Variants in COL24A1 observed in about 807,000 individuals in gnomAD.
The protein encoded by COL24A1 is collagen type XXIV alpha 1 chain, also known as collagen alpha-1(XXIV) chain.
In COL24A1, 224 loss-of-function variants were observed where a neutral mutation model predicts 253.9. The ratio of observed to expected loss-of-function variants is 0.88; its 90% confidence interval spans 0.79 to 0.99. The LOEUF (loss-of-function observed/expected upper bound fraction) is 0.99. COL24A1 is among the 50% of genes least tolerant of loss of function. The pLI is 0.00. For missense variants in COL24A1, 2,131 were observed against 2,068.5 expected, an observed-to-expected ratio of 1.03 and a Z score of -0.59; for synonymous variants, 685 against 673.7, an observed-to-expected ratio of 1.02 and a Z score of -0.26.
At chr1:86,031,480 G>T (rs1358497132) in intron 14 of COL24A1, among the ~76,000 whole-genome samples, 4 of 151,974 alleles carry the variant, frequency 2.6e-5, no homozygotes, top group Non-Finnish European at 5.9e-5. Flanking sequence ...ATTTTTGCTT[G>T]TAACAAACAT....
intron 20 of COL24A1, among the ~76,000 whole-genome samples, chr1:85,986,552 T>C (rs1693738840): frequency 6.6e-6 from 1 of 151,868 alleles, no homozygotes; most frequent in Non-Finnish European, 1.5e-5. Flanking sequence ...TGAAATCATA[T>C]CTGTGTTAGA....
At chr1:85,851,001 G>GTATA (rs139769173) in intron 37 of COL24A1, among the ~76,000 whole-genome samples, 2,061 of 139,142 alleles carry the variant, frequency 0.015, 49 homozygotes, top group African/African-American at 0.044. Flanking sequence ...GTGTGTGTGT[G>GTATA]TATATATATA....
chr1:86,086,181 G>A (rs11161729), intron 7 of COL24A1, among the ~76,000 whole-genome samples: 57,041 of 152,018 alleles, frequency 0.38, 10,949 homozygotes, highest in Middle Eastern at 0.51. Context: ...AACTATATTT[G>A]TTTCCTTGGC....
intron 20 of COL24A1, among the ~76,000 whole-genome samples, chr1:85,979,655 A>G (rs891813199): frequency 6.6e-6 from 1 of 151,876 alleles, no homozygotes; most frequent in Non-Finnish European, 1.5e-5. Context: ...AACTCTGAAC[A>G]GATTAATAAC....
At chr1:85,994,030 G>A (rs1237865161) in intron 19 of COL24A1, among the ~76,000 whole-genome samples, 5 of 151,820 alleles carry the variant, frequency 3.3e-5, no homozygotes, top group Non-Finnish European at 5.9e-5. Context: ...AGTGACACTT[G>A]GGCCATTTAA....
intron 10 of COL24A1, among the ~76,000 whole-genome samples, chr1:86,052,629 A>G (rs1700394898): frequency 6.6e-6 from 1 of 152,092 alleles, no homozygotes. Context: ...GTTTGGGAAG[A>G]TGAAAAAAGT....
rs533279139 is a variant in COL24A1, at chr1:86,126,054, G to C, written c.282C>G (p.Phe94Leu). The C allele has an allele frequency of 2.5e-6, 4 of 1,613,522 alleles. No homozygotes were observed. Among genetic ancestry groups the C allele is most frequent in the South Asian group, 1.1e-5 (1 of 91,068 alleles). ...FKNDAYIETP[F>L]VKILPVNLGQ... is the part of the protein sequence containing the mutation. ...CCAAGTTGACTGGTAAAATTTTCAC[G>C]AAAGGTGTCTCGATATAAGCATCAT... The change falls in exon 3 of 60, where the codon TTC becomes TTG. Residue 94 changes from phenylalanine to leucine, a missense_variant. Transcript: ENST00000370571.
chr1:85,903,631 T>G (rs1684534591), intron 28 of COL24A1, among the ~76,000 whole-genome samples: 1 of 152,206 alleles, frequency 6.6e-6, no homozygotes, highest in African/African-American at 2.4e-5. Flanking sequence ...CACTGAGCTG[T>G]ATTAGTAAGT....
At chr1:85,865,963 TAAAG>T (rs1259348673) in intron 37 of COL24A1, among the ~76,000 whole-genome samples, 1 of 152,124 alleles carries the variant, frequency 6.6e-6, no homozygotes. Context: ...GCTTAGAAAA[TAAAG>T]AAATTTCTTT....
At chr1:86,106,736 C>T (rs1705016599) in intron 5 of COL24A1, among the ~76,000 whole-genome samples, 1 of 152,094 alleles carries the variant, frequency 6.6e-6, no homozygotes, top group Non-Finnish European at 1.5e-5. Flanking sequence ...CTCTGGAAAA[C>T]AGGAAATGGA....
chr1:85,961,388 G>C, intron 23 of COL24A1, 95 bp from the exon 24 acceptor site: 1 of 971,660 alleles, frequency 1.0e-6, no homozygotes, highest in Non-Finnish European at 1.6e-6. Context: ...TAATTATCTA[G>C]TCATAACCTA....
intron 35 of COL24A1, among the ~76,000 whole-genome samples, 192 bp downstream of exon 35, chr1:85,874,457 G>A (rs1037687749): frequency 2.6e-5 from 4 of 152,162 alleles, no homozygotes; most frequent in Non-Finnish European, 5.9e-5. Context: ...GGTTAAGACT[G>A]TAAATACTAC....
intron 24 of COL24A1, among the ~76,000 whole-genome samples, chr1:85,951,289 G>A (rs1354245): frequency 0.68 from 102,731 of 151,982 alleles, 35,010 homozygotes; most frequent in East Asian, 0.79. Context: ...GCTAAGAACC[G>A]TAATAGTGTA....
chr1:85,863,393 C>A (rs922304945), intron 37 of COL24A1, among the ~76,000 whole-genome samples: 1 of 152,086 alleles, frequency 6.6e-6, no homozygotes, highest in African/African-American at 2.4e-5. Context: ...TTGTCTTGTG[C>A]CAGTTTTCAA....
At chr1:85,766,177 G>A (rs1382113313) in intron 53 of COL24A1, among the ~76,000 whole-genome samples, 2 of 151,808 alleles carry the variant, frequency 1.3e-5, no homozygotes, top group African/African-American at 4.8e-5. Context: ...ACTGGCCTGG[G>A]CAACATGGTG....
Position 86,023,701 on chromosome 1 carries a change from T to C in COL24A1, c.2050-694A>G, listed in dbSNP as rs1178906429. Among the ~76,000 whole-genome samples, 6 of 152,234 alleles carry C rather than the reference T, an allele frequency of 3.9e-5. No individual in the cohort carries two copies. In the South Asian group the frequency reaches 1.2e-3, roughly 32 times the overall value. On this transcript the variant is annotated intron_variant, in intron 14 of 59. Coordinates refer to ENST00000370571, the MANE Select transcript of COL24A1 (RefSeq NM_152890.7). Reference sequence around the variant, plus strand: ...CAGAAACATTACCACTATTATCTTCTGCAAGCAAGAGACTTAGAAAAAACT... The same window carrying C: ...CAGAAACATTACCACTATTATCTTCCGCAAGCAAGAGACTTAGAAAAAACT...
chr1:85,858,621 C>CTTCCT (rs1553201492), intron 37 of COL24A1, among the ~76,000 whole-genome samples: 95 of 113,372 alleles, frequency 8.4e-4, no homozygotes, highest in Middle Eastern at 4.9e-3. Context: ...TATTTTCTCC[C>CTTCCT]TCCTTCCTTC....
intron 24 of COL24A1, among the ~76,000 whole-genome samples, chr1:85,912,605 C>A (rs1361257608): frequency 6.6e-6 from 1 of 152,112 alleles, no homozygotes; most frequent in East Asian, 1.9e-4. Context: ...ATCTAATGAT[C>A]CCATATATAT....
At chr1:85,776,562 T>A (rs1668564756) in intron 52 of COL24A1, among the ~76,000 whole-genome samples, 1 of 152,036 alleles carries the variant, frequency 6.6e-6, no homozygotes, top group Admixed American at 6.6e-5. Flanking sequence ...ATATGAATGC[T>A]CTTCCATGTC....
Sources: gnomAD v4.1 joint callset for allele counts (sites outside exome capture counted in the v4.1 genomes callset) on GRCh38, gnomAD v4.1.1 for gene constraint, MANE v1.5 for transcripts, NCBI Gene and HGNC (gene_info 2026-07-23, HGNC 2026-07-21) for gene names.